The following GPC5 variants were observed in gnomAD, a reference collection of about 807,000 sequenced individuals.
GPC5 encodes the protein glypican 5, also known as glypican-5.
In GPC5, 47 loss-of-function variants were observed where a neutral mutation model predicts 53.9. That is an observed-to-expected ratio of 0.87 (90% CI 0.69 to 1.11). The LOEUF (loss-of-function observed/expected upper bound fraction) is 1.11, where lower values mean the gene tolerates loss of function less well. Ranked by LOEUF, GPC5 falls within the 50% of genes most tolerant of loss-of-function variation. GPC5 has a pLI of 0.00. For missense variants in GPC5, 748 were observed against 713.1 expected (o/e 1.05, Z -0.56); for synonymous variants, 286 against 263.3 (o/e 1.09, Z -0.84).
intron 3 of GPC5, among the ~76,000 whole-genome samples, chr13:91,702,945 AT>A (rs2036024280): frequency 6.6e-6 from 1 of 152,046 alleles, no homozygotes; most frequent in African/African-American, 2.4e-5. Context: ...CTGTTAGTGT[AT>A]GGAAGTGCTA....
At chr13:91,436,799 C>T (rs1287551452) in intron 1 of GPC5, among the ~76,000 whole-genome samples, 1 of 152,038 alleles carries the variant, frequency 6.6e-6, no homozygotes, top group Non-Finnish European at 1.5e-5. Context: ...TTAAAGTCTC[C>T]CATTATTATT....
At chr13:92,472,876 G>C (rs535424717) in intron 7 of GPC5, among the ~76,000 whole-genome samples, 37 of 152,060 alleles carry the variant, frequency 2.4e-4, no homozygotes, top group Non-Finnish European at 5.0e-4. Context: ...ATCTTAAGAA[G>C]TATGTAAACT....
chr13:92,602,238 A>AAATATG (rs1884095760), intron 7 of GPC5, among the ~76,000 whole-genome samples: 1 of 81,572 alleles, frequency 1.2e-5, no homozygotes, highest in Non-Finnish European at 2.5e-5. Flanking sequence ...TATAACATAT[A>AAATATG]TATATATATA....
chr13:91,697,914 T>C (rs2035914304), intron 3 of GPC5, among the ~76,000 whole-genome samples: 1 of 151,432 alleles, frequency 6.6e-6, no homozygotes, highest in African/African-American at 2.4e-5. Context: ...TTTTTTTTTT[T>C]TTTTTGAGAC....
At chr13:92,246,000 C>T (rs1307450239) in intron 7 of GPC5, among the ~76,000 whole-genome samples, 7 of 151,876 alleles carry the variant, frequency 4.6e-5, no homozygotes, top group South Asian at 2.1e-4. Context: ...AAGTAGATCC[C>T]ATTTACTGTA....
chr13:92,216,105 A>C (rs1765549240), intron 7 of GPC5, among the ~76,000 whole-genome samples: 1 of 152,220 alleles, frequency 6.6e-6, no homozygotes, highest in Non-Finnish European at 1.5e-5. Context: ...CCTGAGATAC[A>C]GACGGGCAGT....
chr13:91,970,231 A>G (rs1319818964), intron 6 of GPC5, among the ~76,000 whole-genome samples: 3 of 152,228 alleles, frequency 2.0e-5, no homozygotes, highest in Non-Finnish European at 4.4e-5. Flanking sequence ...GTGAACTTAT[A>G]GAAATAGAAG....
At chr13:92,243,468 G>A (rs778909262) in intron 7 of GPC5, among the ~76,000 whole-genome samples, 3 of 152,106 alleles carry the variant, frequency 2.0e-5, no homozygotes, top group Non-Finnish European at 4.4e-5. Flanking sequence ...CGTGAGCATG[G>A]CTTGGGCTAG....
chr13:91,572,455 C>T (rs535459726), intron 2 of GPC5, among the ~76,000 whole-genome samples: 18 of 152,096 alleles, frequency 1.2e-4, no homozygotes, highest in African/African-American at 3.6e-4. Context: ...AAGTGTAGTG[C>T]CAGCATCTGC....
chr13:92,228,933 T>A (rs9523542), intron 7 of GPC5, among the ~76,000 whole-genome samples: 41,019 of 152,004 alleles, frequency 0.27, 5,676 homozygotes, highest in South Asian at 0.45. Context: ...TGGAAGTTTT[T>A]TAATACATTT....
At chr13:91,835,606 C>A (rs1226695497) in intron 5 of GPC5, among the ~76,000 whole-genome samples, 1 of 152,056 alleles carries the variant, frequency 6.6e-6, no homozygotes, top group Admixed American at 6.6e-5. Context: ...AAGCTGGAAA[C>A]CATCATTCTC....
chr13:91,942,042 T>C (rs938015152), intron 6 of GPC5, among the ~76,000 whole-genome samples: 2 of 152,114 alleles, frequency 1.3e-5, no homozygotes, highest in Admixed American at 1.3e-4. Context: ...AACTCTATAA[T>C]TAATTTTTTT....
intron 7 of GPC5, among the ~76,000 whole-genome samples, chr13:92,173,646 G>A (rs2042086645): frequency 6.6e-6 from 1 of 152,144 alleles, no homozygotes; most frequent in Non-Finnish European, 1.5e-5. Context: ...TCATTAAAAT[G>A]CAATGAGCAA....
At chr13:92,798,104 T>G (rs1267753747) in intron 7 of GPC5, among the ~76,000 whole-genome samples, 1 of 151,932 alleles carries the variant, frequency 6.6e-6, no homozygotes, top group Non-Finnish European at 1.5e-5. Flanking sequence ...TATACCAGAC[T>G]GAGCATGCTG....
At chr13:91,894,728 G>A (rs960758796) in intron 5 of GPC5, among the ~76,000 whole-genome samples, 1 of 151,970 alleles carries the variant, frequency 6.6e-6, no homozygotes, top group South Asian at 2.1e-4. Context: ...ACAAGCAGGG[G>A]GAAAGAACCA....
At chr13:92,369,472 C>G (rs1249859077) in intron 7 of GPC5, among the ~76,000 whole-genome samples, 1 of 152,238 alleles carries the variant, frequency 6.6e-6, no homozygotes, top group Admixed American at 6.5e-5. Context: ...CCACCACCTT[C>G]AGCCTAGAGC....
Position 92,001,915 on chromosome 13 carries a change from G to A in GPC5, c.1401+93858G>A, listed in dbSNP as rs181055399. Among the ~76,000 whole-genome samples, 230 of 152,110 alleles carry A rather than the reference G, an allele frequency of 1.5e-3. 1 individual carries two copies. In the Middle Eastern group the frequency reaches 0.051, roughly 34 times the overall value. ...GTTTTGACATCTGTTTTATATTTTT[G>A]TGCCATTTGGAATGTAGGTCAAAAA... On this transcript the variant is annotated intron_variant, in intron 6 of 7. Coordinates refer to ENST00000377067, the MANE Select transcript of GPC5 (RefSeq NM_004466.6).
At chr13:91,832,685 T>C (rs1487943713) in intron 5 of GPC5, among the ~76,000 whole-genome samples, 2 of 152,096 alleles carry the variant, frequency 1.3e-5, no homozygotes, top group Admixed American at 6.6e-5. Context: ...AGATGTTCTT[T>C]GAAACCAATG....
chr13:92,335,567 G>C lies in GPC5; in HGVS notation c.1561+190578G>C, dbSNP rs903216690. 2.0e-5 allele frequency among the ~76,000 whole-genome samples: 3 copies of C among 152,196 alleles called. No individual in the cohort carries two copies. The East Asian group carries it at 5.8e-4, about 29-fold the overall frequency. ...GCTTGAATTTCTCCCCAGAAAATGG[G>C]TTTTTCTTCTCTACTGCTTTGTCAG... On this transcript the variant is annotated intron_variant, in intron 7 of 7. Transcript: ENST00000377067.
Sources: gnomAD v4.1 joint callset for allele counts (sites outside exome capture counted in the v4.1 genomes callset) on GRCh38, gnomAD v4.1.1 for gene constraint, MANE v1.5 for transcripts, NCBI Gene and HGNC (gene_info 2026-07-23, HGNC 2026-07-21) for gene names.